Variants in EFCAB6 observed in about 807,000 individuals in gnomAD.
EFCAB6 encodes the protein EF-hand calcium binding domain 6.
A neutral mutation model predicts 169.8 loss-of-function variants in EFCAB6; 156 were observed. The observed-to-expected ratio is 0.92, with a 90% CI of 0.81 to 1.05. EFCAB6 has a LOEUF of 1.05. EFCAB6 is among the 50% of genes least tolerant of loss of function. The probability of loss-of-function intolerance (pLI) is 0.00; values close to 1 mark genes in which losing one functional copy is unlikely to be tolerated. For missense variants in EFCAB6, 1,800 were observed against 1,829.1 expected, an observed-to-expected ratio of 0.98 and a Z score of 0.29; for synonymous variants, 698 against 676.4, an observed-to-expected ratio of 1.03 and a Z score of -0.50.
Position 43,576,474 on chromosome 22 carries a change from C to T in EFCAB6, c.3243G>A (p.Leu1081=), listed in dbSNP as rs745398326. Residue 1081 remains leucine (L), a synonymous_variant, in exon 26 of 32, where the codon TTG becomes TTA. Coordinates refer to ENST00000262726, the MANE Select transcript of EFCAB6 (RefSeq NM_022785.4). ...TTACAAATCCTGTATCCTCTTTATC[C>T]AATGCAGAAAATGCCTAAAAAGAAA... ...QLALSTAFSA[L]DKEDTGFVKA... is the part of the protein sequence containing the mutation. 2.2e-5 allele frequency: 34 copies of T among 1,540,900 alleles called. No individual in the cohort carries two copies. In the African/African-American group the frequency reaches 4.1e-4, roughly 19 times the overall value.
chr22:43,658,419 C>T (rs937063103), intron 17 of EFCAB6, among the ~76,000 whole-genome samples: 2 of 152,128 alleles, frequency 1.3e-5, no homozygotes, highest in African/African-American at 4.8e-5. Context: ...GCCACTCCCG[C>T]ACTGTGAGTT....
At chr22:43,672,172 T>C (rs2057522116) in intron 14 of EFCAB6, 39 bp from the exon 15 acceptor site, 1 of 1,613,690 alleles carries the variant, frequency 6.2e-7, no homozygotes, top group Admixed American at 1.7e-5. Context: ...AAGCCATACA[T>C]CTGTAACCTC....
intron 2 of EFCAB6, among the ~76,000 whole-genome samples, chr22:43,789,994 G>A (rs1415073112): frequency 6.6e-6 from 1 of 152,194 alleles, no homozygotes; most frequent in Admixed American, 6.5e-5. Context: ...CAGACTAGAT[G>A]ATGCTTCTGA....
At chr22:43,618,536 G>A (rs1440175866) in intron 20 of EFCAB6, among the ~76,000 whole-genome samples, 17 of 152,226 alleles carry the variant, frequency 1.1e-4, no homozygotes, top group Admixed American at 1.1e-3. Flanking sequence ...GATGGAGGGA[G>A]AAATCAAAAT....
intron 13 of EFCAB6, among the ~76,000 whole-genome samples, chr22:43,672,935 A>C (rs1279811500): frequency 6.6e-6 from 1 of 152,186 alleles, no homozygotes; most frequent in African/African-American, 2.4e-5. Context: ...ATAAACACAC[A>C]AAAAAACCCA....
chr22:43,683,905 T>C, intron 11 of EFCAB6, 50 bp from the exon 12 acceptor site: 2 of 1,442,750 alleles, frequency 1.4e-6, no homozygotes, highest in Non-Finnish European at 1.9e-6. Flanking sequence ...TTCTTGAACT[T>C]TGTTCTTTTC....
In EFCAB6 at chr22:43,760,516, A is replaced by T. The variant is rs557408971; in HGVS notation, c.441-4684T>A. Among the ~76,000 whole-genome samples the T allele has an allele frequency of 2.0e-5, 3 of 152,332 alleles. No individual in the cohort carries two copies. In the East Asian group the frequency reaches 5.8e-4, roughly 29 times the overall value. On this transcript the variant is annotated intron_variant, in intron 5 of 31. Transcript: ENST00000262726. ...GAGATTCTCAGCCATTATCTTTCCAAATATGACTTCTGCCCTGTTTTTTCT... is the reference window on the plus strand; with the variant it reads ...GAGATTCTCAGCCATTATCTTTCCATATATGACTTCTGCCCTGTTTTTTCT...
intron 25 of EFCAB6, 71 bp downstream of exon 25, chr22:43,580,393 G>C: frequency 6.5e-7 from 1 of 1,530,168 alleles, no homozygotes; most frequent in Non-Finnish European, 8.9e-7. Context: ...AGGGGTTTCA[G>C]GGTGGGGCTG....
At chr22:43,597,717 G>T (rs2052127584) in intron 23 of EFCAB6, among the ~76,000 whole-genome samples, 1 of 152,136 alleles carries the variant, frequency 6.6e-6, no homozygotes, top group African/African-American at 2.4e-5. Context: ...GTATGATCCA[G>T]AAATTCTATG....
Position 43,537,477 on chromosome 22 carries a change from C to G in EFCAB6, c.3948G>C (p.Arg1316Ser), listed in dbSNP as rs143251330. 3 of 1,614,020 alleles carry G rather than the reference C, an allele frequency of 1.9e-6. No homozygotes were observed. The highest frequency in any genetic ancestry group is 1.3e-5 in the African/African-American group (1 of 74,912). The change falls in exon 29 of 32, where the codon AGG becomes AGC. Residue 1316 changes from arginine to serine, a missense_variant. Transcript: ENST00000262726. The surrounding 1 kb of genome is among the most constrained non-coding windows in gnomAD (Gnocchi z 4.3). ...AGCAGCCCTGGATTCTCTTCCGGAG[C>G]CTGCTCTCTATGGGATCACAGTTCT... ...PLQNCDPIES[R>S]LRKRIQGCWR...
intron 6 of EFCAB6, among the ~76,000 whole-genome samples, chr22:43,752,599 A>T (rs1381918597): frequency 6.6e-6 from 1 of 152,162 alleles, no homozygotes; most frequent in Non-Finnish European, 1.5e-5. Context: ...GGTGTGGGGC[A>T]TAATTCCAGG....
At chr22:43,786,421 CATT>C (rs1236544539) in intron 2 of EFCAB6, among the ~76,000 whole-genome samples, 1 of 151,940 alleles carries the variant, frequency 6.6e-6, no homozygotes, top group African/African-American at 2.4e-5. Flanking sequence ...TCAGAAAAGA[CATT>C]AGAAAAAAAG....
chr22:43,604,876 C>T (rs1049128256), intron 22 of EFCAB6, among the ~76,000 whole-genome samples: 2 of 152,232 alleles, frequency 1.3e-5, no homozygotes, highest in Non-Finnish European at 2.9e-5. Flanking sequence ...GCTAGTTTCA[C>T]ACACGCAAGG....
chr22:43,809,781 G>A (rs555597011), intron 1 of EFCAB6, among the ~76,000 whole-genome samples: 1 of 151,956 alleles, frequency 6.6e-6, no homozygotes, highest in Non-Finnish European at 1.5e-5. Context: ...CTAATTTTTT[G>A]TATTAGTAGA....
chr22:43,782,066 G>C (rs1219959496), intron 3 of EFCAB6, 114 bp downstream of exon 3: 1 of 1,070,500 alleles, frequency 9.3e-7, no homozygotes, highest in African/African-American at 1.6e-5. Flanking sequence ...CTAATTCATA[G>C]AGTTATTGTG....
intron 26 of EFCAB6, among the ~76,000 whole-genome samples, chr22:43,565,103 C>T (rs1336117748): frequency 6.6e-6 from 1 of 152,180 alleles, no homozygotes; most frequent in Admixed American, 6.5e-5. Context: ...CATGCTTTGG[C>T]CAGTGGAATG....
intron 22 of EFCAB6, among the ~76,000 whole-genome samples, chr22:43,605,040 G>T (rs1569234542): frequency 6.6e-6 from 1 of 152,184 alleles, no homozygotes. Context: ...TGAGGCTACA[G>T]CAGGTGCTCG....
intron 23 of EFCAB6, 142 bp from the exon 24 acceptor site, chr22:43,590,371 T>G: frequency 1.2e-6 from 1 of 849,270 alleles, no homozygotes; most frequent in Non-Finnish European, 1.7e-6. Context: ...ACAGCCTCAG[T>G]GTAATACTGA....
At chr22:43,706,059 C>T (rs944510053) in intron 10 of EFCAB6, among the ~76,000 whole-genome samples, 2 of 152,128 alleles carry the variant, frequency 1.3e-5, no homozygotes, top group Non-Finnish European at 2.9e-5. Flanking sequence ...GATCGTGAGA[C>T]TATTATGAAC....
Sources: gnomAD v4.1 joint callset for allele counts (sites outside exome capture counted in the v4.1 genomes callset) on GRCh38, gnomAD v4.1.1 for gene constraint, Gnocchi (gnomAD v3.1) non-coding constraint, MANE v1.5 for transcripts, NCBI Gene and HGNC (gene_info 2026-07-23, HGNC 2026-07-21) for gene names.